The following KCNK1 variants were observed in gnomAD, a reference collection of about 807,000 sequenced individuals.
KCNK1 encodes the protein potassium channel subfamily K member 1.
A neutral mutation model predicts 22.2 loss-of-function variants in KCNK1; 10 were observed. The observed-to-expected ratio is 0.45, with a 90% CI of 0.28 to 0.76. The LOEUF (loss-of-function observed/expected upper bound fraction) is 0.76, where lower values mean the gene tolerates loss of function less well. Among genes scored for constraint, KCNK1 ranks in the 30% least tolerant of loss-of-function variants. The pLI is 0.14. For synonymous variants in KCNK1, 200 were observed against 186.4 expected (o/e 1.07, Z -0.60); for missense variants, 378 against 421.0 (o/e 0.90, Z 0.89).
intron 1 of KCNK1, among the ~76,000 whole-genome samples, chr1:233,638,842 G>T (rs1347160962): frequency 6.6e-6 from 1 of 152,240 alleles, no homozygotes. Flanking sequence ...TGATTCTGCT[G>T]AGCAGCTTGT....
rs1293069617 is a variant in KCNK1 at position 233,667,791 on chromosome 1, T to TA, written c.751+810dup. On this transcript the variant is annotated intron_variant, in intron 2 of 2. Coordinates refer to ENST00000366621, the MANE Select transcript of KCNK1 (RefSeq NM_002245.4). Reference sequence around the variant, plus strand: ...ATGTACTTGATAACCAACTGTTAATTAAAAAAAAAGATTGCTCTACTTTAT... The same window carrying TA: ...ATGTACTTGATAACCAACTGTTAATTAAAAAAAAAAGATTGCTCTACTTTAT... Among the ~76,000 whole-genome samples, 8 of 148,486 alleles carry TA rather than the reference T, an allele frequency of 5.4e-5. No individual in the cohort carries two copies. In the East Asian group the frequency reaches 6.0e-4, roughly 11 times the overall value.
chr1:233,625,253 C>G (rs936480839), intron 1 of KCNK1, among the ~76,000 whole-genome samples: 2 of 152,210 alleles, frequency 1.3e-5, no homozygotes, highest in Non-Finnish European at 2.9e-5. Context: ...TCTTCTCGGC[C>G]TCTCTGAGCA....
At chr1:233,641,066 T>C (rs1657991861) in intron 1 of KCNK1, among the ~76,000 whole-genome samples, 1 of 152,220 alleles carries the variant, frequency 6.6e-6, no homozygotes, top group African/African-American at 2.4e-5. Flanking sequence ...TTGGCATCTC[T>C]CTTAAAATCT....
intron 1 of KCNK1, among the ~76,000 whole-genome samples, chr1:233,630,264 TG>T (rs1185131653): frequency 3.3e-5 from 5 of 152,216 alleles, no homozygotes; most frequent in Admixed American, 3.3e-4. Context: ...TACTGTTAAT[TG>T]GCTTTAAATA....
At chr1:233,666,374 A>G (rs1658489374) in intron 1 of KCNK1, among the ~76,000 whole-genome samples, 1 of 152,142 alleles carries the variant, frequency 6.6e-6, no homozygotes, top group Non-Finnish European at 1.5e-5. Context: ...TGCTGGTTGG[A>G]TTTTACAAAG....
intron 1 of KCNK1, among the ~76,000 whole-genome samples, chr1:233,622,354 T>C (rs899191809): frequency 5.3e-5 from 8 of 152,206 alleles, no homozygotes; most frequent in African/African-American, 1.9e-4. Flanking sequence ...ATTGTATTAT[T>C]GACAAATCCG....
chr1:233,626,950 AAGC>A (rs1460085915), intron 1 of KCNK1, among the ~76,000 whole-genome samples: 4 of 152,210 alleles, frequency 2.6e-5, no homozygotes, highest in African/African-American at 9.7e-5. Flanking sequence ...ATATTAAATA[AAGC>A]CACCAAGGAA....
intron 1 of KCNK1, among the ~76,000 whole-genome samples, chr1:233,657,083 G>C (rs946768422): frequency 6.6e-6 from 1 of 152,126 alleles, no homozygotes; most frequent in African/African-American, 2.4e-5. Context: ...AATCTTGCCC[G>C]AGAGATGGCC....
chr1:233,634,368 G>T (rs75833617), intron 1 of KCNK1, among the ~76,000 whole-genome samples: 2,995 of 151,910 alleles, frequency 0.02, 101 homozygotes, highest in African/African-American at 0.066. Flanking sequence ...AGCTTTTCAG[G>T]TTCTTAAACT....
chr1:233,645,519 G>A (rs538465933), intron 1 of KCNK1, among the ~76,000 whole-genome samples: 1 of 152,316 alleles, frequency 6.6e-6, no homozygotes, highest in South Asian at 2.1e-4. Context: ...AGCTAAGGAA[G>A]CCTGGAGCCA....
At chr1:233,624,581 T>A (rs1231065654) in intron 1 of KCNK1, among the ~76,000 whole-genome samples, 1 of 152,200 alleles carries the variant, frequency 6.6e-6, no homozygotes, top group Non-Finnish European at 1.5e-5. Context: ...AAGGCACATT[T>A]CTTCATATGT....
At chr1:233,665,402 A>AC (rs1323848270) in intron 1 of KCNK1, among the ~76,000 whole-genome samples, 1 of 152,174 alleles carries the variant, frequency 6.6e-6, no homozygotes, top group African/African-American at 2.4e-5. Context: ...TCTCCCTAGT[A>AC]CCTTCTGTTC....
chr1:233,626,721 G>A (rs1657695871), intron 1 of KCNK1, among the ~76,000 whole-genome samples: 1 of 152,178 alleles, frequency 6.6e-6, no homozygotes, highest in Admixed American at 6.5e-5. Context: ...TCCAGGCTAA[G>A]AAAGAGTACC....
intron 1 of KCNK1, among the ~76,000 whole-genome samples, chr1:233,641,969 T>G (rs988326815): frequency 9.2e-5 from 14 of 152,186 alleles, no homozygotes; most frequent in African/African-American, 3.4e-4. Context: ...TCAGTTCCTC[T>G]GGTGTCATCT....
At position 233,647,981 on chromosome 1, in the gene KCNK1, A is replaced by G. The variant is rs546593280; in HGVS notation, c.356-18614A>G. Among the ~76,000 whole-genome samples, 6 of 152,302 alleles carry G rather than the reference A, an allele frequency of 3.9e-5. No homozygotes were observed. The South Asian group carries it at 1.2e-3, about 32-fold the overall frequency. Reference sequence around the variant, plus strand: ...ATCCATTTGGCCCCTGTGCTTTTGAATTGCTTATAGCCTGGGAGTTTGTGC... The same window carrying G: ...ATCCATTTGGCCCCTGTGCTTTTGAGTTGCTTATAGCCTGGGAGTTTGTGC... On this transcript the variant is annotated intron_variant, in intron 1 of 2. Transcript: ENST00000366621.
At chr1:233,630,984 A>G (rs1368551082) in intron 1 of KCNK1, among the ~76,000 whole-genome samples, 1 of 152,170 alleles carries the variant, frequency 6.6e-6, no homozygotes, top group Non-Finnish European at 1.5e-5. Flanking sequence ...AACTTGATAC[A>G]TAGCTTGTTT....
Position 233,671,326 on chromosome 1 carries a change from A to T in KCNK1, c.807A>T (p.Glu269Asp). The T allele has an allele frequency of 6.2e-7, 1 of 1,614,174 alleles. No homozygotes were observed. Among genetic ancestry groups the T allele is most frequent in the South Asian group, 1.1e-5 (1 of 91,074 alleles). ...TGGTAGTTCTGGAAACCTTCTGTGA[A>T]CTCCATGAGCTGAAAAAATTCAGAA... ...AMLVVLETFC[E>D]LHELKKFRKM... Residue 269 changes from glutamate to aspartate, a missense_variant, in exon 3 of 3, where the codon GAA (glutamate) becomes GAT (aspartate). By Grantham distance (45) the Glu-to-Asp change is conservative (BLOSUM62 2). Transcript: ENST00000366621.
At chr1:233,649,888 G>A in intron 1 of KCNK1, 1 of 518,502 alleles carries the variant, frequency 1.9e-6, no homozygotes, top group Non-Finnish European at 4.0e-6. Context: ...TTTAAGAACA[G>A]GATTCTAGGT....
chr1:233,646,035 G>T (rs1428758024), intron 1 of KCNK1, among the ~76,000 whole-genome samples: 1 of 152,176 alleles, frequency 6.6e-6, no homozygotes, highest in Admixed American at 6.5e-5. Flanking sequence ...AGGGTGAGAG[G>T]TGAGAGGTGA....
Sources: allele counts gnomAD v4.1 joint callset (sites outside exome capture counted in the v4.1 genomes callset), GRCh38; gene constraint gnomAD v4.1.1; transcripts MANE v1.5; gene names NCBI Gene and HGNC (gene_info 2026-07-23, HGNC 2026-07-21).